The following HTR1F variants were observed in gnomAD, a reference collection of about 807,000 sequenced individuals.
HTR1F encodes the protein 5-hydroxytryptamine receptor 1F.
HTR1F carries 17 observed loss-of-function variants against 24.0 expected under a neutral mutation model. That is an observed-to-expected ratio of 0.71 (90% CI 0.48 to 1.06). HTR1F has a LOEUF of 1.06. Ranked by LOEUF, HTR1F falls within the 50% of genes least tolerant of loss-of-function variation. The pLI, the probability that HTR1F is intolerant of heterozygous loss-of-function variation, is 0.00. For synonymous variants in HTR1F, 186 were observed against 156.8 expected, an observed-to-expected ratio of 1.19 and a Z score of -1.39; for missense variants, 391 against 427.8, an observed-to-expected ratio of 0.91 and a Z score of 0.76.
chr3:87,836,481 T>C (rs989880011), intron 2 of HTR1F, among the ~76,000 whole-genome samples: 61 of 152,272 alleles, frequency 4.0e-4, no homozygotes, highest in Middle Eastern at 6.8e-3. Flanking sequence ...CCATAAGTGG[T>C]TTTTCAATTT....
Position 87,991,534 on chromosome 3 carries a change from A to G in HTR1F, c.785A>G (p.His262Arg), listed in dbSNP as rs777602073. 2 of 1,614,014 alleles carry G rather than the reference A, an allele frequency of 1.2e-6. No homozygotes were observed. Among genetic ancestry groups the G allele is most frequent in the African/African-American group, 1.3e-5 (1 of 74,950 alleles). The change falls in exon 3 of 3, where the codon CAT (histidine) becomes CGT (arginine). Residue 262 changes from histidine (H) to arginine (R), a missense_variant. Transcript: ENST00000319595. The stretch of plus-strand genomic sequence containing the variant: ...CCATCAACAGACTTTGATAAAATTC[A>G]TAGCACAGTGAGAAGTCTCAGGTCT... ...SDPSTDFDKI[H>R]STVRSLRSEF... is the part of the protein sequence containing the mutation.
At chr3:87,875,247 T>C (rs1705644204) in intron 2 of HTR1F, among the ~76,000 whole-genome samples, 1 of 151,804 alleles carries the variant, frequency 6.6e-6, no homozygotes, top group South Asian at 2.1e-4. Context: ...GGTCAGGAGT[T>C]TGAGACCAGC....
intron 2 of HTR1F, among the ~76,000 whole-genome samples, chr3:87,944,591 TC>T (rs1485953611): frequency 6.6e-6 from 1 of 152,224 alleles, no homozygotes; most frequent in Non-Finnish European, 1.5e-5. Flanking sequence ...TGTTAGGAAA[TC>T]TGCTGGGTTA....
intron 2 of HTR1F, among the ~76,000 whole-genome samples, chr3:87,859,313 T>C (rs983489317): frequency 6.6e-6 from 1 of 152,230 alleles, no homozygotes; most frequent in Non-Finnish European, 1.5e-5. Flanking sequence ...TCTAAAAAAA[T>C]ACTTCATACT....
In HTR1F at chr3:87,828,933, C is replaced by T. The variant is rs150432368; in HGVS notation, c.-43+6809C>T. Among the ~76,000 whole-genome samples, 531 of 152,142 alleles carry T rather than the reference C, an allele frequency of 3.5e-3. 3 individuals carry two copies. The highest frequency in any genetic ancestry group is 0.011 in the African/African-American group (466 of 41,510). On this transcript the variant is annotated intron_variant, in intron 2 of 2. Transcript: ENST00000319595. Reference sequence around the variant, plus strand: ...AACAAAGAAATGTTTCCCTTTCCTTCCTGGATTCTTCAGGTGCTTTTCATC... The same window carrying T: ...AACAAAGAAATGTTTCCCTTTCCTTTCTGGATTCTTCAGGTGCTTTTCATC...
At chr3:87,889,004 G>A (rs1449568592) in intron 2 of HTR1F, among the ~76,000 whole-genome samples, 2 of 152,086 alleles carry the variant, frequency 1.3e-5, no homozygotes, top group African/African-American at 4.8e-5. Context: ...TATCCTTCAC[G>A]AATAGATTAA....
chr3:87,857,377 TG>T (rs1366225034), intron 2 of HTR1F, among the ~76,000 whole-genome samples: 2 of 152,088 alleles, frequency 1.3e-5, no homozygotes, highest in Admixed American at 6.6e-5. Flanking sequence ...AGGAAATAGA[TG>T]TTTTTAAAAT....
intron 2 of HTR1F, among the ~76,000 whole-genome samples, chr3:87,905,884 ATAT>A (rs1282786010): frequency 6.6e-6 from 1 of 152,104 alleles, no homozygotes; most frequent in Non-Finnish European, 1.5e-5. Context: ...CTGCAAGGAA[ATAT>A]TATAGAGATA....
chr3:87,963,332 A>G (rs1705100414), intron 2 of HTR1F, among the ~76,000 whole-genome samples: 1 of 152,114 alleles, frequency 6.6e-6, no homozygotes, highest in Admixed American at 6.6e-5. Context: ...TTGCACTATC[A>G]GTAGAGCAGT....
chr3:87,821,041 C>G (rs1481911798), intron 1 of HTR1F, among the ~76,000 whole-genome samples: 2 of 152,228 alleles, frequency 1.3e-5, no homozygotes, highest in Middle Eastern at 3.5e-3. Flanking sequence ...AATAAACCAA[C>G]CCTTTGGTAA....
intron 2 of HTR1F, among the ~76,000 whole-genome samples, chr3:87,835,414 T>C (rs1401401434): frequency 6.6e-6 from 1 of 152,172 alleles, no homozygotes. Context: ...GGGACTTTTC[T>C]GAGCCTGGTC....
chr3:87,894,608 C>T (rs1261767680), intron 2 of HTR1F, among the ~76,000 whole-genome samples: 29 of 146,502 alleles, frequency 2.0e-4, no homozygotes, highest in Non-Finnish European at 3.0e-5. Context: ...TCTCTGTCAC[C>T]CAGGCTGGAG....
intron 1 of HTR1F, among the ~76,000 whole-genome samples, chr3:87,814,574 G>A (rs1704217377): frequency 6.6e-6 from 1 of 152,000 alleles, no homozygotes; most frequent in Non-Finnish European, 1.5e-5. Context: ...GCTCCTTTGA[G>A]TTCAATCTTT....
intron 1 of HTR1F, among the ~76,000 whole-genome samples, 95 bp downstream of exon 1, chr3:87,792,937 A>G (rs1703840102): frequency 6.6e-6 from 1 of 152,014 alleles, no homozygotes; most frequent in Non-Finnish European, 1.5e-5. Flanking sequence ...GGGGAGTGGG[A>G]GGCTGGACAG....
intron 2 of HTR1F, among the ~76,000 whole-genome samples, chr3:87,965,866 C>T (rs1045343071): frequency 2.6e-5 from 4 of 152,220 alleles, no homozygotes; most frequent in Non-Finnish European, 5.9e-5. Context: ...ATTAGAGCCA[C>T]ATCAGCTGAA....
At chr3:87,893,975 T>A (rs1263251441) in intron 2 of HTR1F, among the ~76,000 whole-genome samples, 1 of 152,172 alleles carries the variant, frequency 6.6e-6, no homozygotes, top group Admixed American at 6.5e-5. Context: ...TTACTCATTT[T>A]TTTTCCTTTC....
chr3:87,931,530 G>A (rs556502580), intron 2 of HTR1F, among the ~76,000 whole-genome samples: 2 of 152,110 alleles, frequency 1.3e-5, no homozygotes, highest in Non-Finnish European at 2.9e-5. Flanking sequence ...TGTCTTTATA[G>A]CAGCATGATT....
At chr3:87,894,209 T>G (rs966005094) in intron 2 of HTR1F, among the ~76,000 whole-genome samples, 2 of 152,096 alleles carry the variant, frequency 1.3e-5, no homozygotes, top group African/African-American at 4.8e-5. Context: ...CCGCAAAGTC[T>G]GTTGTGTCAT....
chr3:87,888,731 C>A (rs1478021021), intron 2 of HTR1F, among the ~76,000 whole-genome samples: 1 of 152,086 alleles, frequency 6.6e-6, no homozygotes, highest in Non-Finnish European at 1.5e-5. Context: ...AACTGACTGA[C>A]CTTATATGTA....
Sources: allele counts gnomAD v4.1 joint callset (sites outside exome capture counted in the v4.1 genomes callset), GRCh38; gene constraint gnomAD v4.1.1; transcripts MANE v1.5; gene names NCBI Gene and HGNC (gene_info 2026-07-23, HGNC 2026-07-21).